FAM133A: variants seen among roughly 807,000 people sequenced by gnomAD.
The protein encoded by FAM133A is protein FAM133A.
For missense variants in FAM133A, 159 were observed against 164.4 expected (o/e 0.97, Z 0.18); for synonymous variants, 65 against 58.6 (o/e 1.11, Z -0.50).
intron 2 of FAM133A, among the ~76,000 whole-genome samples, chrX:93,696,962 C>T (rs1926333050): frequency 9.2e-6 from 1 of 109,248 alleles, no homozygotes; most frequent in Non-Finnish European, 1.9e-5. Flanking sequence ...AGGGTTACAA[C>T]CAGGAAGTGT....
At chrX:93,706,759 G>A (rs912224276) in intron 3 of FAM133A, among the ~76,000 whole-genome samples, 1 of 111,319 alleles carries the variant, frequency 9.0e-6, no homozygotes, top group Admixed American at 9.6e-5. Flanking sequence ...AATTTCAATA[G>A]AATCTTCTCA....
chrX:93,679,241 T>C (rs1924933762), intron 2 of FAM133A, among the ~76,000 whole-genome samples: 1 of 111,032 alleles, frequency 9.0e-6, no homozygotes, highest in Non-Finnish European at 1.9e-5. Flanking sequence ...AGAATAGTAA[T>C]AAAACATTGG....
chrX:93,692,464 C>T (rs1301089797), intron 2 of FAM133A, among the ~76,000 whole-genome samples: 1 of 112,070 alleles, frequency 8.9e-6, no homozygotes, highest in Non-Finnish European at 1.9e-5. Context: ...TAAACTAACA[C>T]TTGTCTTATA....
Position 93,700,215 on chromosome X carries a change from C to T in FAM133A, c.-104+1730C>T, listed in dbSNP as rs903449522. 2.7e-5 allele frequency among the ~76,000 whole-genome samples: 3 copies of T among 110,121 alleles called. No homozygotes were observed. The Admixed American group carries it at 2.9e-4, about 11-fold the overall frequency. On this transcript the variant is annotated intron_variant, in intron 3 of 3. Transcript: ENST00000683942. ...TTTCATTATGTCATTTAACTTTTTC[C>T]TCTATCCATCCCCCAACCGCCACTC...
At chrX:93,682,927 T>C (rs766685275) in intron 2 of FAM133A, among the ~76,000 whole-genome samples, 14 of 112,264 alleles carry the variant, frequency 1.2e-4, no homozygotes, top group Non-Finnish European at 2.6e-4. Context: ...CAGTACCATT[T>C]TTACTTGCTG....
At chrX:93,674,634 T>G (rs1221478387) in intron 1 of FAM133A, 47 bp from the exon 2 acceptor site, 2 of 111,883 alleles carry the variant, frequency 1.8e-5, no homozygotes, top group African/African-American at 6.5e-5. Context: ...GAATAAACTT[T>G]TGCAAAATGA....
chrX:93,692,792 C>T (rs756077719), intron 2 of FAM133A, among the ~76,000 whole-genome samples: 1 of 111,307 alleles, frequency 9.0e-6, no homozygotes, highest in Non-Finnish European at 1.9e-5. Context: ...AGGTTAGGAA[C>T]CATGATTGTA....
chrX:93,682,969 G>C (rs1368491210), intron 2 of FAM133A, among the ~76,000 whole-genome samples: 2 of 111,681 alleles, frequency 1.8e-5, no homozygotes, highest in East Asian at 5.6e-4. Flanking sequence ...GCCTTTAATT[G>C]CACTCTAATT....
rs1040161610 is a variant in FAM133A, at chrX:93,710,028, T to A, written c.609T>A (p.Asp203Glu). 5.8e-6 allele frequency: 7 copies of A among 1,204,564 alleles called. No individual in the cohort carries two copies. Among genetic ancestry groups the A allele is most frequent in the Non-Finnish European group, 7.8e-6 (7 of 892,060 alleles). Residue 203 changes from aspartate (D) to glutamate (E), a missense_variant, in exon 4 of 4, where the codon GAT becomes GAA. Physicochemically the swap from Asp to Glu is conservative, Grantham distance 45. Coordinates refer to ENST00000683942, the MANE Select transcript of FAM133A (RefSeq NM_001171109.2). ...CATCTGAATCAGATTATGAAGAGGA[T>A]GTGCAAGCAAAAAAGAAGAGAAGGT... ...ESSSESDYEE[D>E]VQAKKKRRCE...
At chrX:93,706,562 T>A (rs1251013377) in intron 3 of FAM133A, among the ~76,000 whole-genome samples, 1 of 111,780 alleles carries the variant, frequency 8.9e-6, no homozygotes, top group Non-Finnish European at 1.9e-5. Flanking sequence ...ACATGGATAA[T>A]TGTCCATAAA....
intron 2 of FAM133A, among the ~76,000 whole-genome samples, chrX:93,679,907 C>A (rs991030487): frequency 1.1e-5 from 1 of 88,029 alleles, no homozygotes; most frequent in Admixed American, 1.3e-4. Flanking sequence ...TACCACCACT[C>A]CTGGCAAATT....
In FAM133A at chrX:93,710,085, A is replaced by T. The variant is rs1602858510; in HGVS notation, c.666A>T (p.Val222=). Residue 222 remains valine (V), a synonymous_variant, in exon 4 of 4, where the codon GTA becomes GTT. Coordinates refer to ENST00000683942, the MANE Select transcript of FAM133A (RefSeq NM_001171109.2). ...AGCGAGAACAAGCAAAGGAAAAAGT[A>T]AAGAAGAAGAAGAAGAAACAGCACA... is the stretch of plus-strand genomic sequence containing the variant. ...CEEREQAKEK[V]KKKKKKQHKK... 1 of 1,198,188 alleles carries T rather than the reference A, an allele frequency of 8.3e-7. No individual in the cohort carries two copies. The highest frequency in any genetic ancestry group is 3.0e-5 in the East Asian group (1 of 33,537).
At chrX:93,687,934 A>T (rs1048818295) in intron 2 of FAM133A, among the ~76,000 whole-genome samples, 1 of 111,846 alleles carries the variant, frequency 8.9e-6, no homozygotes, top group African/African-American at 3.2e-5. Context: ...TTCACTTAAC[A>T]TAATCTTCTT....
chrX:93,704,698 G>C (rs1231788085), intron 3 of FAM133A, among the ~76,000 whole-genome samples: 3 of 111,767 alleles, frequency 2.7e-5, no homozygotes, highest in Admixed American at 1.9e-4. Flanking sequence ...TATCTTTTCA[G>C]TGATCTTACA....
At chrX:93,695,072 T>G (rs980086970) in intron 2 of FAM133A, among the ~76,000 whole-genome samples, 2 of 111,381 alleles carry the variant, frequency 1.8e-5, no homozygotes, top group Non-Finnish European at 3.8e-5. Flanking sequence ...GAAATAAATA[T>G]GTCTATATAG....
Position 93,677,836 on chromosome X carries a change from G to A in FAM133A, c.-193+3084G>A, listed in dbSNP as rs999815271. ...TTGATGGGCATTTTTGTTGTTTTGA[G>A]TTCTGGGCTACTACAAATAAGGCTG... On this transcript the variant is annotated intron_variant, in intron 2 of 3. Coordinates refer to ENST00000683942, the MANE Select transcript of FAM133A (RefSeq NM_001171109.2). 2.7e-5 allele frequency among the ~76,000 whole-genome samples: 3 copies of A among 111,707 alleles called. No individual in the cohort carries two copies. In the Admixed American group the frequency reaches 2.9e-4, roughly 11 times the overall value.
rs755156273 is a variant in FAM133A at position 93,679,552 on chromosome X, T to A, written c.-193+4800T>A. Among the ~76,000 whole-genome samples the A allele has an allele frequency of 1.3e-3, 147 of 111,246 alleles. 1 individual carries two copies. Among genetic ancestry groups the A allele is most frequent in the African/African-American group, 4.6e-3 (140 of 30,656 alleles). ...AATTTGGATATTTAACATAGCGCTA[T>A]TTTTTAAAGAAATTTTAATTGTCAT... On this transcript the variant is annotated intron_variant, in intron 2 of 3. Transcript: ENST00000683942.
At chrX:93,687,127 G>A (rs1925580510) in intron 2 of FAM133A, among the ~76,000 whole-genome samples, 1 of 112,292 alleles carries the variant, frequency 8.9e-6, no homozygotes, top group South Asian at 3.7e-4. Context: ...CAACCAATGA[G>A]TGGATAAAGA....
In FAM133A at chrX:93,692,705, A is replaced by G. The variant is rs745750887; in HGVS notation, c.-192-5692A>G. On this transcript the variant is annotated intron_variant, in intron 2 of 3. Coordinates refer to ENST00000683942, the MANE Select transcript of FAM133A (RefSeq NM_001171109.2). ...GGTAGTAGTTATGTGCTGCTATTGAACCATTATGGCACTGTCATATTTTTA... is the reference window on the plus strand; with the variant it reads ...GGTAGTAGTTATGTGCTGCTATTGAGCCATTATGGCACTGTCATATTTTTA... 2.7e-5 allele frequency among the ~76,000 whole-genome samples: 3 copies of G among 111,440 alleles called. No homozygotes were observed. The East Asian group carries it at 8.5e-4, about 32-fold the overall frequency.
Sources: gnomAD v4.1 joint callset for allele counts (sites outside exome capture counted in the v4.1 genomes callset) on GRCh38, gnomAD v4.1.1 for gene constraint, MANE v1.5 for transcripts, NCBI Gene and HGNC (gene_info 2026-07-23, HGNC 2026-07-21) for gene names.